TTN: variants seen among roughly 807,000 people sequenced by gnomAD.
TTN encodes titin, also known as connectin.
TTN carries 1,525 observed loss-of-function variants against 3,223.0 expected under a neutral mutation model. The observed-to-expected ratio is 0.47, with a 90% CI of 0.45 to 0.49. TTN has a LOEUF of 0.49. TTN is among the 20% of genes least tolerant of loss of function. The pLI is 0.00. For missense variants in TTN, 40,786 were observed against 43,424.0 expected, an observed-to-expected ratio of 0.94 and a Z score of 5.40; for synonymous variants, 14,094 against 15,161.0, an observed-to-expected ratio of 0.93 and a Z score of 5.17.
Position 178,552,503 on chromosome 2 carries a change from G to C in TTN, c.90397C>G (p.Leu30133Val). The C allele has an allele frequency of 6.2e-7, 1 of 1,613,230 alleles. No homozygotes were observed. The highest frequency in any genetic ancestry group is 8.5e-7 in the Non-Finnish European group (1 of 1,179,364). Residue 30133 changes from leucine to valine, a missense_variant, in exon 335 of 363, where the codon CTG (leucine) becomes GTG (valine). By Grantham distance (32) the Leu-to-Val change is conservative (BLOSUM62 1). Coordinates refer to ENST00000589042, the MANE Select transcript of TTN (RefSeq NM_001267550.2). ...KELIITPEVD[L>V]SDIPGAQVTV... is the part of the protein sequence containing the mutation. ...ACTTGTGCCCCAGGGATATCTGACAGGTCAACTTCAGGTGTAATAATAAGT... is the reference window on the plus strand; with the variant it reads ...ACTTGTGCCCCAGGGATATCTGACACGTCAACTTCAGGTGTAATAATAAGT...
Position 178,712,193 on chromosome 2 carries a change from G to T in TTN, c.27637C>A (p.Pro9213Thr). 6.2e-7 allele frequency: 1 copy of T among 1,613,416 alleles called. No individual in the cohort carries two copies. The highest frequency in any genetic ancestry group is 8.5e-7 in the Non-Finnish European group (1 of 1,179,566). ...GAATCTCCAACAGACACCTTAACCGGCTCCAACTGCTTGACAAAATACGGT... is the reference window on the plus strand; with the variant it reads ...GAATCTCCAACAGACACCTTAACCGTCTCCAACTGCTTGACAAAATACGGT... Reference protein sequence around the residue: ...EPPYFVKQLEPVKVSVGDSAS... With the variant: ...EPPYFVKQLETVKVSVGDSAS... Residue 9213 changes from proline (P) to threonine (T), a missense_variant, in exon 96 of 363, where the codon CCG (proline) becomes ACG (threonine). Physicochemically the swap from Pro to Thr is conservative, Grantham distance 38 (BLOSUM62 -1). Transcript: ENST00000589042.
rs778105940 is a variant in TTN, at chr2:178,534,005, C to T, written c.102610G>A (p.Asp34204Asn). The change falls in exon 358 of 363, where the codon GAT (aspartate) becomes AAT (asparagine). Residue 34204 changes from aspartate (D) to asparagine (N), a missense_variant. Transcript: ENST00000589042. Reference sequence around the variant, plus strand: ...ACTACTTTGCATCTGTAGGTACCATCATCTAATTTGGTAATGTCTTTGACA... The same window carrying T: ...ACTACTTTGCATCTGTAGGTACCATTATCTAATTTGGTAATGTCTTTGACA... ...LYVKDITKLD[D>N]GTYRCKVVND... 1.2e-6 allele frequency: 2 copies of T among 1,613,992 alleles called. No individual in the cohort carries two copies. Among genetic ancestry groups the T allele is most frequent in the Admixed American group, 3.3e-5 (2 of 60,016 alleles).
At position 178,574,813 on chromosome 2, in the gene TTN, G is replaced by T; in HGVS notation, c.71319C>A (p.Thr23773=). ...VVEMRQTDST[T]WVELATTVIR... ...TAACGGTGGTTGCTAACTCAACCCA[G>T]GTAGTACTGTCAGTCTGCCGCATTT... is the stretch of plus-strand genomic sequence containing the variant. Residue 23773 remains threonine (T), a synonymous_variant, in exon 326 of 363, where the codon ACC becomes ACA. Coordinates refer to ENST00000589042, the MANE Select transcript of TTN (RefSeq NM_001267550.2). 6.2e-7 allele frequency: 1 copy of T among 1,612,736 alleles called. No individual in the cohort carries two copies.
Position 178,734,820 on chromosome 2 carries a change from G to C in TTN, c.15104C>G (p.Ser5035Cys). 6.2e-7 allele frequency: 1 copy of C among 1,613,794 alleles called. No homozygotes were observed. The highest frequency in any genetic ancestry group is 1.1e-5 in the South Asian group (1 of 91,074). ...SNTVRMYFVN[S>C]EAILDITDVK... ...ATCCGTAATATCAAGTATAGCCTCA[G>C]AATTGACAAAATACATTCGGACTGT... is the stretch of plus-strand genomic sequence containing the variant. Residue 5035 changes from serine to cysteine, a missense_variant, in exon 51 of 363, where the codon TCT (serine) becomes TGT (cysteine). By Grantham distance (112) the Ser-to-Cys change is moderately radical. Transcript: ENST00000589042.
At position 178,538,553 on chromosome 2, in the gene TTN, C is replaced by A. The variant is rs778385575; in HGVS notation, c.99276G>T (p.Lys33092Asn). Residue 33092 changes from lysine to asparagine, a missense_variant, in exon 354 of 363, where the codon AAG (lysine) becomes AAT (asparagine). By Grantham distance (94) the Lys-to-Asn change is moderately conservative (BLOSUM62 0). Transcript: ENST00000589042. The part of the protein sequence containing the change: ...SRPRRTAMSI[K>N]TKLTSGEAPG... ...AAGGCTACTTACATGTGAGTTTAGT[C>A]TTTATAGACATAGCAGTTCTGCGAG... 1 of 1,610,926 alleles carries A rather than the reference C, an allele frequency of 6.2e-7. No homozygotes were observed. The highest frequency in any genetic ancestry group is 1.1e-5 in the South Asian group (1 of 90,542).
At chr2:178,754,246 A>G (rs1317661135) in intron 46 of TTN, among the ~76,000 whole-genome samples, 2 of 152,178 alleles carry the variant, frequency 1.3e-5, no homozygotes, top group Non-Finnish European at 2.9e-5. Context: ...TGTAGCCTAT[A>G]TGAACTTATT....
chr2:178,741,583 A>G lies in TTN; in HGVS notation c.11650T>C (p.Leu3884=), dbSNP rs933410465. 16 of 1,613,790 alleles carry G rather than the reference A, an allele frequency of 9.9e-6. No individual in the cohort carries two copies. Among genetic ancestry groups the G allele is most frequent in the East Asian group, 2.2e-5 (1 of 44,848 alleles). The change falls in exon 48 of 363, where the codon TTG becomes CTG. Residue 3884 remains leucine (L), a synonymous_variant. Transcript: ENST00000589042. ...DHSLIILFTK[L]EDEGEYTCMA... is the part of the protein sequence containing the mutation. ...CATGTATACTCTCCCTCATCCTCCA[A>G]TTTGGTGAACAGAATGATCAGGCTA...
At position 178,563,233 on chromosome 2, in the gene TTN, C is replaced by A; in HGVS notation, c.82899G>T (p.Val27633=). Residue 27633 remains valine, a synonymous_variant, in exon 326 of 363, where the codon GTG becomes GTT. Coordinates refer to ENST00000589042, the MANE Select transcript of TTN (RefSeq NM_001267550.2). This position sits in a 1 kb window ranked among gnomAD's most constrained non-coding sequence, Gnocchi z 4.5. ...PTGLQGKQFT[V]TKLKENTEYN... ...ATTCAGTGTTTTCTTTAAGCTTGGT[C>A]ACTGTGAACTGCTTTCCTTGTAATC... 1.2e-6 allele frequency: 2 copies of A among 1,613,648 alleles called. No individual in the cohort carries two copies. The highest frequency in any genetic ancestry group is 2.2e-5 in the South Asian group (2 of 91,036).
intron 198 of TTN, 35 bp downstream of exon 198, chr2:178,653,203 T>C (rs772237065): frequency 6.2e-7 from 1 of 1,611,204 alleles, no homozygotes; most frequent in South Asian, 1.1e-5. Flanking sequence ...GCAAAAGAAT[T>C]AGATCATCTG....
chr2:178,806,893 C>A (rs2094341885), intron 1 of TTN, among the ~76,000 whole-genome samples: 1 of 152,186 alleles, frequency 6.6e-6, no homozygotes, highest in Non-Finnish European at 1.5e-5. Flanking sequence ...ACATTCTCAA[C>A]AGGCAAAGAG....
intron 307 of TTN, 42 bp downstream of exon 307, chr2:178,587,076 A>G: frequency 6.2e-7 from 1 of 1,608,040 alleles, no homozygotes. Context: ...TTGCTAAAAT[A>G]GGAGACTGGG....
chr2:178,803,780 A>G (rs545309367), intron 2 of TTN, among the ~76,000 whole-genome samples: 15 of 152,172 alleles, frequency 9.9e-5, no homozygotes, highest in African/African-American at 3.6e-4. Context: ...ATTAATTTTA[A>G]AATTATTTAC....
Position 178,567,901 on chromosome 2 carries a change from G to T in TTN, c.78231C>A (p.Ser26077Arg), listed in dbSNP as rs1553596375. 2 of 1,613,358 alleles carry T rather than the reference G, an allele frequency of 1.2e-6. No individual in the cohort carries two copies. Among genetic ancestry groups the T allele is most frequent in the Non-Finnish European group, 1.7e-6 (2 of 1,179,596 alleles). Residue 26077 changes from serine (S) to arginine (R), a missense_variant, in exon 326 of 363, where the codon AGC becomes AGA. Ser to Arg is a moderately radical substitution (Grantham distance 110). Coordinates refer to ENST00000589042, the MANE Select transcript of TTN (RefSeq NM_001267550.2). ...AENIVGVGKA[S>R]KNSECYVARD... is the part of the protein sequence containing the mutation. The stretch of plus-strand genomic sequence containing the variant: ...TGGCTACATAGCATTCAGAATTCTT[G>T]CTTGCTTTGCCTACACCAACAATAT...
chr2:178,700,223 G>A (rs1433484692), intron 111 of TTN, among the ~76,000 whole-genome samples: 1 of 152,088 alleles, frequency 6.6e-6, no homozygotes. Flanking sequence ...GCTTATGTTC[G>A]TATGAATCAT....
chr2:178,747,939 T>G (rs1259672350), intron 47 of TTN: 2 of 1,613,116 alleles, frequency 1.2e-6, no homozygotes, highest in Admixed American at 1.7e-5. Context: ...CTATGGAGTG[T>G]GTCAGCTTCC....
rs1161802084 is a variant in TTN at position 178,681,100 on chromosome 2, C to A, written c.33319G>T (p.Val11107Leu). ...ISITKREKEQ[V>L]TEPAAKVPMK... ...ATACCTTTAGCAGCGGGTTCAGTCA[C>A]CTGCTCTTTTTCACGTTTGGTAATT... The change falls in exon 138 of 363, where the codon GTG becomes TTG. Residue 11107 changes from valine (V) to leucine (L), a missense_variant. By Grantham distance (32) the Val-to-Leu change is conservative. Coordinates refer to ENST00000589042, the MANE Select transcript of TTN (RefSeq NM_001267550.2). The A allele has an allele frequency of 4.4e-6, 7 of 1,603,618 alleles. No individual in the cohort carries two copies. The East Asian group carries it at 1.6e-4, about 36-fold the overall frequency.
At position 178,570,079 on chromosome 2, in the gene TTN, C is replaced by A. The variant is rs1195746912; in HGVS notation, c.76053G>T (p.Trp25351Cys). 1 of 1,613,388 alleles carries A rather than the reference C, an allele frequency of 6.2e-7. No individual in the cohort carries two copies. The highest frequency in any genetic ancestry group is 2.2e-5 in the East Asian group (1 of 44,778). ...CAATCAGACGCTTATGGCATCTTGT[C>A]CATCTAATGCCTTCTTTATCCCGTT... is the stretch of plus-strand genomic sequence containing the variant. ...LEKRDKEGIR[W>C]TRCHKRLIGE... is the part of the protein sequence containing the mutation. The change falls in exon 326 of 363, where the codon TGG becomes TGT. Residue 25351 changes from tryptophan (W) to cysteine (C), a missense_variant. By Grantham distance (215) the Trp-to-Cys change is radical. Coordinates refer to ENST00000589042, the MANE Select transcript of TTN (RefSeq NM_001267550.2).
Position 178,537,252 on chromosome 2 carries a change from G to A in TTN, c.99866-9C>T. 3.2e-6 allele frequency: 5 copies of A among 1,573,734 alleles called. No homozygotes were observed. Among genetic ancestry groups the A allele is most frequent in the Non-Finnish European group, 4.3e-6 (5 of 1,160,296 alleles). ...AGGTTTGTCTGGTTTATCTGTTGGG[G>A]GAAAATACAATTGTGGTGGTTTTCA... is the stretch of plus-strand genomic sequence containing the variant. On this transcript the variant is annotated splice_polypyrimidine_tract_variant and intron_variant, in intron 355 of 362. Coordinates refer to ENST00000589042, the MANE Select transcript of TTN (RefSeq NM_001267550.2).
Position 178,581,501 on chromosome 2 carries a change from A to C in TTN, c.66767T>G (p.Leu22256Ter), listed in dbSNP as rs1064794716. The change falls in exon 316 of 363, where the codon TTA (leucine) becomes TGA (stop). Residue 22256 changes from leucine (L) to a stop codon, truncating the protein, a stop_gained and splice_region_variant. Transcript: ENST00000589042. LOFTEE classifies it high-confidence loss of function. ...GTACTCCCCCTGGTAATACTTACTT[A>C]AGATGTCCTTGGGATAGTGTTTATC... The part of the protein sequence containing the change: ...VPDKHYPKDI[L>*]IPPEGELDAD... 6.3e-7 allele frequency: 1 copy of C among 1,586,718 alleles called. No individual in the cohort carries two copies. Among genetic ancestry groups the C allele is most frequent in the Non-Finnish European group, 8.6e-7 (1 of 1,163,324 alleles).
Sources: gnomAD v4.1 joint callset for allele counts (sites outside exome capture counted in the v4.1 genomes callset) on GRCh38, gnomAD v4.1.1 for gene constraint, Gnocchi (gnomAD v3.1) non-coding constraint, MANE v1.5 for transcripts, NCBI Gene and HGNC (gene_info 2026-07-23, HGNC 2026-07-21) for gene names.